Variants in IL12A observed in about 807,000 individuals in gnomAD.
IL12A encodes the protein interleukin-12 subunit alpha.
Under a neutral mutation model 23.5 loss-of-function variants are expected in IL12A, and 16 were observed. That is an observed-to-expected ratio of 0.68 (90% CI 0.46 to 1.03). The LOEUF (loss-of-function observed/expected upper bound fraction) is 1.03, where lower values mean the gene tolerates loss of function less well. Ranked by LOEUF, IL12A falls within the 50% of genes least tolerant of loss-of-function variation. IL12A has a pLI of 0.00. For missense variants in IL12A, 275 were observed against 307.0 expected (o/e 0.90, Z 0.78); for synonymous variants, 106 against 111.5 (o/e 0.95, Z 0.31).
rs74321485 is a variant in IL12A at position 159,993,053 on chromosome 3, G to A, written c.306G>A (p.Glu102=). The A allele has an allele frequency of 2.1e-4, 343 of 1,610,630 alleles. No individual in the cohort carries two copies. The highest frequency in any genetic ancestry group is 6.2e-4 in the Admixed American group (37 of 59,992). The change falls in exon 3 of 7, where the codon GAG becomes GAA. Residue 102 remains glutamate (E), a synonymous_variant. Coordinates refer to ENST00000305579, the MANE Select transcript of IL12A (RefSeq NM_000882.4). The stretch of plus-strand genomic sequence containing the variant: ...AATTTTACCCTTGCACTTCTGAAGA[G>A]ATTGATCATGAAGATATCACAAAAG...
chr3:159,989,801 A>T (rs987980817), intron 1 of IL12A, among the ~76,000 whole-genome samples: 1 of 152,166 alleles, frequency 6.6e-6, no homozygotes, highest in Admixed American at 6.5e-5. Context: ...AAAAAAAGTC[A>T]GGCTTTCTCA....
At chr3:159,989,427 T>C in intron 1 of IL12A, 1 of 523,970 alleles carries the variant, frequency 1.9e-6, no homozygotes, top group South Asian at 2.3e-5. Flanking sequence ...CGTGGGAGAT[T>C]TCCTGCTTTC....
intron 1 of IL12A, among the ~76,000 whole-genome samples, chr3:159,989,597 C>G (rs1720228074): frequency 6.6e-6 from 1 of 152,194 alleles, no homozygotes; most frequent in Non-Finnish European, 1.5e-5. Context: ...GCCTGACCAA[C>G]ATGGTGAAAC....
At chr3:159,993,875 T>G (rs765267336) in intron 6 of IL12A, 31 bp downstream of exon 6, 1 of 1,605,584 alleles carries the variant, frequency 6.2e-7, no homozygotes, top group Admixed American at 1.7e-5. Flanking sequence ...TGAGAGCACC[T>G]TTTTCATGCT....
intron 2 of IL12A, among the ~76,000 whole-genome samples, chr3:159,991,214 T>C (rs1472294020): frequency 6.6e-6 from 1 of 152,214 alleles, no homozygotes; most frequent in Non-Finnish European, 1.5e-5. Flanking sequence ...CTCCAATTCA[T>C]ATAGATTTTT....
At chr3:159,994,103 G>GA in intron 6 of IL12A, 1 of 401,674 alleles carries the variant, frequency 2.5e-6, no homozygotes, top group South Asian at 3.4e-5. Flanking sequence ...ATTTTCTTAT[G>GA]TCAGCCTCAA....
At position 159,989,203 on chromosome 3, in the gene IL12A, C is replaced by T. The variant is rs201787657; in HGVS notation, c.118+29C>T. The stretch of plus-strand genomic sequence containing the variant: ...AGTACTCAGCCCGCCAGGTCTTTGG[C>T]TCGCTCGGGTGCGGAGGGGCGGCTG... On this transcript the variant is annotated intron_variant, in intron 1 of 6. Coordinates refer to ENST00000305579, the MANE Select transcript of IL12A (RefSeq NM_000882.4). 3 of 1,578,854 alleles carry T rather than the reference C, an allele frequency of 1.9e-6. No individual in the cohort carries two copies. The African/African-American group carries it at 4.0e-5, about 21-fold the overall frequency.
chr3:159,991,267 G>A (rs1162597901), intron 2 of IL12A, among the ~76,000 whole-genome samples: 1 of 152,134 alleles, frequency 6.6e-6, no homozygotes, highest in African/African-American at 2.4e-5. Context: ...ATAGTCCTAA[G>A]GGTCAAAAGA....
At chr3:159,994,177 T>A in intron 6 of IL12A, 1 of 207,908 alleles carries the variant, frequency 4.8e-6, no homozygotes, top group Non-Finnish European at 9.8e-6. Flanking sequence ...ACCACTTGTC[T>A]GAGGCTCTGC....
rs1720406552 is a variant in IL12A at position 159,993,930 on chromosome 3, G to T, written c.606+86G>T. ...CTTTGATAAAGAGATATAAAAAGAG[G>T]TCTGGAGGCCTTTTAAAGGCCTGAC... is the stretch of plus-strand genomic sequence containing the variant. On this transcript the variant is annotated intron_variant, in intron 6 of 6. Transcript: ENST00000305579. The T allele has an allele frequency of 3.5e-6, 5 of 1,411,456 alleles. No homozygotes were observed. The Admixed American group carries it at 8.0e-5, about 23-fold the overall frequency. 87.4% of individuals were successfully genotyped at this position (1,411,456 alleles called of 1,614,324 possible).
intron 1 of IL12A, 148 bp from the exon 2 acceptor site, chr3:159,990,019 C>T: frequency 1.4e-6 from 1 of 716,084 alleles, no homozygotes; most frequent in Non-Finnish European, 2.3e-6. Context: ...AGTCATCTCT[C>T]AGGTGTTGAA....
At chr3:159,993,960 C>T in intron 6 of IL12A, 116 bp downstream of exon 6, 5 of 1,001,062 alleles carry the variant, frequency 5.0e-6, no homozygotes, top group Non-Finnish European at 6.0e-6. Context: ...CCTGACAGAC[C>T]TACATTTTCA....
chr3:159,993,215 TC>T, intron 3 of IL12A, 90 bp downstream of exon 3: 1 of 792,302 alleles, frequency 1.3e-6, no homozygotes, highest in Non-Finnish European at 2.1e-6. Context: ...GTTTCTGGTA[TC>T]CATCATTATG....
chr3:159,990,283 C>A lies in IL12A; in HGVS notation c.235C>A (p.Leu79Met). 1 of 1,614,174 alleles carries A rather than the reference C, an allele frequency of 6.2e-7. No homozygotes were observed. Among genetic ancestry groups the A allele is most frequent in the Non-Finnish European group, 8.5e-7 (1 of 1,180,022 alleles). The change falls in exon 2 of 7, where the codon CTG becomes ATG. Residue 79 changes from leucine to methionine, a missense_variant. By Grantham distance (15) the Leu-to-Met change is conservative. Transcript: ENST00000305579. ...ATGCCTTCACCACTCCCAAAACCTG[C>A]TGAGGGCCGTCAGCAACATGCTCCA...
At chr3:159,989,301 G>A (rs1720218823) in intron 1 of IL12A, 127 bp downstream of exon 1, 1 of 727,552 alleles carries the variant, frequency 1.4e-6, no homozygotes, top group Non-Finnish European at 2.3e-6. Context: ...CTCCTGCAAA[G>A]AGGAATAAGA....
At chr3:159,993,155 A>G (rs1488668131) in intron 3 of IL12A, 30 bp downstream of exon 3, 1 of 1,216,066 alleles carries the variant, frequency 8.2e-7, no homozygotes, top group Non-Finnish European at 1.2e-6. Flanking sequence ...CAGAGCATGC[A>G]GTGTGGTTAA....
intron 2 of IL12A, among the ~76,000 whole-genome samples, chr3:159,991,740 G>A (rs944096216): frequency 5.3e-5 from 8 of 152,202 alleles, no homozygotes; most frequent in Non-Finnish European, 1.2e-4. Context: ...GAGGCTCTTG[G>A]GGAGAATCTG....
rs1720482914 is a variant in IL12A, at chr3:159,995,677, C to T, written c.*118C>T. The stretch of plus-strand genomic sequence containing the variant: ...AAGAAGGATGGGACTATTACATCCA[C>T]ATGATACCTCTGATCAAGTATTTTT... On this transcript the variant is annotated 3_prime_UTR_variant, in exon 7 of 7. Transcript: ENST00000305579. The T allele has an allele frequency of 1.6e-6, 1 of 627,042 alleles. No homozygotes were observed. Among genetic ancestry groups the T allele is most frequent in the African/African-American group, 1.9e-5 (1 of 53,332 alleles). The allele number at this position is 627,042 out of a possible 1,614,324, so 38.8% of individuals were successfully genotyped here.
intron 1 of IL12A, 94 bp downstream of exon 1, chr3:159,989,268 G>A (rs983943676): frequency 2.1e-6 from 2 of 961,034 alleles, no homozygotes; most frequent in African/African-American, 3.2e-5. Flanking sequence ...TGCCTAAGGA[G>A]AGACTGGAAC....
Sources: allele counts gnomAD v4.1 joint callset (sites outside exome capture counted in the v4.1 genomes callset), GRCh38; gene constraint gnomAD v4.1.1; transcripts MANE v1.5; gene names NCBI Gene and HGNC (gene_info 2026-07-23, HGNC 2026-07-21).